Variants in DNAAF5 observed in about 807,000 individuals in gnomAD.
DNAAF5 encodes dynein axonemal assembly factor 5, also known as HEAT repeat containing 2.
In DNAAF5, 64 loss-of-function variants were observed where a neutral mutation model predicts 75.8. The observed-to-expected ratio is 0.84, with a 90% CI of 0.69 to 1.04. The LOEUF is 1.04. Among genes scored for constraint, DNAAF5 ranks in the 50% least tolerant of loss-of-function variants. The pLI, the probability that DNAAF5 is intolerant of heterozygous loss-of-function variation, is 0.00. For missense variants in DNAAF5, 1,269 were observed against 1,178.5 expected, an observed-to-expected ratio of 1.08 and a Z score of -1.12; for synonymous variants, 657 against 557.2, an observed-to-expected ratio of 1.18 and a Z score of -2.52.
At chr7:732,394 C>G (rs1781615033) in intron 2 of DNAAF5, among the ~76,000 whole-genome samples, 1 of 152,258 alleles carries the variant, frequency 6.6e-6, no homozygotes, top group South Asian at 2.1e-4. Flanking sequence ...GTGGGTGACT[C>G]ATGGACTTCG....
In DNAAF5 at chr7:756,867, C is replaced by T; in HGVS notation, c.1343C>T (p.Pro448Leu). Reference protein sequence around the residue: ...KLILSTLKKTPSASGLLVLAS... With the variant: ...KLILSTLKKTLSASGLLVLAS... ...ATCTTATCGACGCTGAAGAAGACGC[C>T]CTCTGCCTCCGGCCTCCTGGTGCTG... is the stretch of plus-strand genomic sequence containing the variant. The change falls in exon 6 of 13, where the codon CCC becomes CTC. Residue 448 changes from proline to leucine, a missense_variant. By Grantham distance (98) the Pro-to-Leu change is moderately conservative (BLOSUM62 -3). Coordinates refer to ENST00000297440, the MANE Select transcript of DNAAF5 (RefSeq NM_017802.4). 13 of 1,613,866 alleles carry T rather than the reference C, an allele frequency of 8.1e-6. No individual in the cohort carries two copies. The highest frequency in any genetic ancestry group is 1.3e-5 in the African/African-American group (1 of 75,068).
intron 8 of DNAAF5, among the ~76,000 whole-genome samples, chr7:767,654 G>T (rs1262555651): frequency 6.6e-6 from 1 of 152,232 alleles, no homozygotes; most frequent in Non-Finnish European, 1.5e-5. Flanking sequence ...AGCCAGTGCA[G>T]AAGTGTCCGT....
intron 9 of DNAAF5, chr7:772,153 T>C (rs1255398603): frequency 6.6e-6 from 1 of 152,298 alleles, no homozygotes; most frequent in Non-Finnish European, 1.5e-5. Context: ...GGGCTGCGTC[T>C]GCCATGGTGT....
intron 11 of DNAAF5, among the ~76,000 whole-genome samples, chr7:777,371 T>TA (rs1205410157): frequency 6.6e-6 from 1 of 152,122 alleles, no homozygotes; most frequent in Non-Finnish European, 1.5e-5. Context: ...ACCTCAAAGT[T>TA]ACCTTTATTG....
At chr7:782,900 A>G (rs767108161) in intron 12 of DNAAF5, among the ~76,000 whole-genome samples, 1 of 150,880 alleles carries the variant, frequency 6.6e-6, no homozygotes, top group Non-Finnish European at 1.5e-5. Context: ...CAGAAACTCG[A>G]TCTTCCTGGC....
intron 11 of DNAAF5, among the ~76,000 whole-genome samples, chr7:776,016 G>T (rs1221637295): frequency 1.3e-5 from 2 of 152,186 alleles, no homozygotes; most frequent in Non-Finnish European, 2.9e-5. Context: ...CTGTATTTAA[G>T]TTTGATGGTG....
chr7:749,782 G>A (rs541679294), intron 4 of DNAAF5, among the ~76,000 whole-genome samples: 108 of 152,174 alleles, frequency 7.1e-4, no homozygotes, highest in African/African-American at 2.4e-3. Context: ...TGCAACCTCC[G>A]CCTCCCAGAT....
At chr7:767,675 G>T (rs1404778312) in intron 8 of DNAAF5, among the ~76,000 whole-genome samples, 1 of 152,220 alleles carries the variant, frequency 6.6e-6, no homozygotes, top group African/African-American at 2.4e-5. Flanking sequence ...GCTGCAAGCA[G>T]GAACTCGCAC....
chr7:739,341 C>T (rs1349095228), intron 2 of DNAAF5, among the ~76,000 whole-genome samples: 2 of 152,100 alleles, frequency 1.3e-5, no homozygotes, highest in South Asian at 2.1e-4. Flanking sequence ...TGGCAGGTGT[C>T]GACTGCATTA....
intron 11 of DNAAF5, among the ~76,000 whole-genome samples, chr7:775,668 G>T (rs1374838409): frequency 1.3e-5 from 2 of 152,220 alleles, no homozygotes; most frequent in Non-Finnish European, 2.9e-5. Context: ...GCTTGAATTT[G>T]TTGGGCACCA....
intron 12 of DNAAF5, among the ~76,000 whole-genome samples, chr7:782,692 C>T (rs1446964412): frequency 1.8e-5 from 2 of 113,984 alleles, no homozygotes; most frequent in East Asian, 2.7e-4. Flanking sequence ...GGCCGCCTCC[C>T]GTCACGCAGC....
intron 10 of DNAAF5, 128 bp downstream of exon 10, chr7:774,326 C>T (rs1413855367): frequency 3.1e-6 from 3 of 982,194 alleles, no homozygotes; most frequent in Non-Finnish European, 4.4e-6. Context: ...GGCCCGTACC[C>T]CAAGAGGCTC....
intron 4 of DNAAF5, among the ~76,000 whole-genome samples, chr7:747,210 C>T (rs1205200130): frequency 2.0e-5 from 3 of 152,200 alleles, no homozygotes; most frequent in Non-Finnish European, 4.4e-5. Context: ...TTTTCCACAC[C>T]CTTCGCGCCA....
At chr7:750,643 C>T (rs531665276) in intron 4 of DNAAF5, among the ~76,000 whole-genome samples, 37 of 152,306 alleles carry the variant, frequency 2.4e-4, no homozygotes, top group Non-Finnish European at 3.7e-4. Context: ...CAGGCGGTCA[C>T]ACTCCTTCAC....
In DNAAF5 at chr7:727,025, T is replaced by TG. The variant is rs1411359655; in HGVS notation, c.308dup (p.Leu104ProfsTer36). 18 of 1,183,090 alleles carry TG rather than the reference T, an allele frequency of 1.5e-5. No individual in the cohort carries two copies. The highest frequency in any genetic ancestry group is 1.8e-5 in the Non-Finnish European group (17 of 955,050). The allele number at this position is 1,183,090 out of a possible 1,614,324, so 73.3% of individuals were successfully genotyped here. ...GCGCTGGCAGTGCACCTGCTGGATC[T>TG]GGGCCTGCGCCGCGCCGCGCGGCCC... On this transcript the variant is annotated frameshift_variant, in exon 1 of 13. Transcript: ENST00000297440. LOFTEE classifies it high-confidence loss of function.
chr7:782,975 G>T (rs894015738), intron 12 of DNAAF5, among the ~76,000 whole-genome samples: 1 of 152,256 alleles, frequency 6.6e-6, no homozygotes, highest in African/African-American at 2.4e-5. Context: ...CTCTTGTTAC[G>T]CAACGTCAGA....
chr7:774,377 G>A (rs546940406), intron 10 of DNAAF5, among the ~76,000 whole-genome samples, 179 bp downstream of exon 10: 38 of 152,362 alleles, frequency 2.5e-4, no homozygotes, highest in African/African-American at 8.7e-4. Flanking sequence ...CGGCGGCCGG[G>A]CTGCGGTTCA....
chr7:754,435 C>T lies in DNAAF5; in HGVS notation c.1025-154C>T, dbSNP rs1782418226. On this transcript the variant is annotated intron_variant, in intron 4 of 12. Coordinates refer to ENST00000297440, the MANE Select transcript of DNAAF5 (RefSeq NM_017802.4). The surrounding 1 kb of genome is among the most constrained non-coding windows in gnomAD (Gnocchi z 4.8). ...CCGCCTCTGTGAATGTTCTGAACGA[C>T]GGGGCATTTGTCAGCTTTGCGTCCA... 1.3e-5 allele frequency among the ~76,000 whole-genome samples: 2 copies of T among 152,156 alleles called. No homozygotes were observed. The highest frequency in any genetic ancestry group is 4.8e-5 in the African/African-American group (2 of 41,448).
intron 11 of DNAAF5, among the ~76,000 whole-genome samples, chr7:775,846 T>C (rs1778744250): frequency 6.6e-6 from 1 of 151,724 alleles, no homozygotes; most frequent in African/African-American, 2.4e-5. Flanking sequence ...CATTTAGCGT[T>C]AAACGTAATC....
Sources: allele counts gnomAD v4.1 joint callset (sites outside exome capture counted in the v4.1 genomes callset), GRCh38; gene constraint gnomAD v4.1.1; non-coding constraint Gnocchi (gnomAD v3.1); transcripts MANE v1.5; gene names NCBI Gene and HGNC (gene_info 2026-07-23, HGNC 2026-07-21).